Variants in SLC6A11 observed in about 807,000 individuals in gnomAD.
SLC6A11 encodes the protein sodium- and chloride-dependent GABA transporter 3.
In SLC6A11, 25 loss-of-function variants were observed where a neutral mutation model predicts 74.8. The observed-to-expected ratio is 0.33, with a 90% CI of 0.24 to 0.47. The LOEUF is 0.47. Among genes scored for constraint, SLC6A11 ranks in the 20% least tolerant of loss-of-function variants. The pLI is 1.00. For synonymous variants in SLC6A11, 330 were observed against 330.2 expected (o/e 1.00, Z 0.01); for missense variants, 574 against 837.0 (o/e 0.69, Z 3.88).
At chr3:10,887,880 T>C (rs1695063760) in intron 6 of SLC6A11, among the ~76,000 whole-genome samples, 1 of 152,228 alleles carries the variant, frequency 6.6e-6, no homozygotes, top group African/African-American at 2.4e-5. Context: ...GGATAGACTT[T>C]GTGATAGGGA....
chr3:10,863,027 G>A (rs954467529), intron 5 of SLC6A11, among the ~76,000 whole-genome samples: 1 of 152,222 alleles, frequency 6.6e-6, no homozygotes, highest in Non-Finnish European at 1.5e-5. Context: ...AGACATATGG[G>A]GTTATGTCCT....
intron 6 of SLC6A11, among the ~76,000 whole-genome samples, chr3:10,888,127 T>C (rs1028230996): frequency 4.6e-5 from 7 of 152,230 alleles, no homozygotes; most frequent in African/African-American, 1.7e-4. Context: ...TGTGAATGCC[T>C]GCTCTTCATT....
chr3:10,931,029 C>T (rs990541240), intron 10 of SLC6A11, among the ~76,000 whole-genome samples: 28 of 152,224 alleles, frequency 1.8e-4, no homozygotes, highest in African/African-American at 6.8e-4. Context: ...GGAACTTTCC[C>T]TCCTTATACA....
intron 8 of SLC6A11, among the ~76,000 whole-genome samples, chr3:10,923,175 C>T (rs532508260): frequency 6.6e-6 from 1 of 151,196 alleles, no homozygotes; most frequent in Non-Finnish European, 1.5e-5. Flanking sequence ...CTGAGAGGGC[C>T]TAAAAGCAAT....
intron 4 of SLC6A11, among the ~76,000 whole-genome samples, chr3:10,841,899 A>C (rs995020564): frequency 6.6e-6 from 1 of 152,234 alleles, no homozygotes; most frequent in African/African-American, 2.4e-5. Flanking sequence ...GTGTTCCTCC[A>C]GTGACAAGCT....
chr3:10,857,959 A>G (rs1056689328), intron 5 of SLC6A11, among the ~76,000 whole-genome samples: 2 of 152,276 alleles, frequency 1.3e-5, no homozygotes, highest in Non-Finnish European at 2.9e-5. Context: ...TGCTGGCACC[A>G]GCTTGTAAGA....
intron 5 of SLC6A11, among the ~76,000 whole-genome samples, chr3:10,864,240 GAA>G (rs1231398248): frequency 6.6e-6 from 1 of 151,808 alleles, no homozygotes; most frequent in East Asian, 2.0e-4. Flanking sequence ...TCAGTGAGAA[GAA>G]AGAGTGACAC....
intron 7 of SLC6A11, among the ~76,000 whole-genome samples, chr3:10,916,580 C>G (rs1040259834): frequency 6.6e-6 from 1 of 152,182 alleles, no homozygotes; most frequent in Non-Finnish European, 1.5e-5. Flanking sequence ...TAGAAAATCA[C>G]AGAAATGATA....
chr3:10,837,904 C>A (rs372188432), intron 4 of SLC6A11, among the ~76,000 whole-genome samples: 7 of 152,246 alleles, frequency 4.6e-5, no homozygotes, highest in Non-Finnish European at 8.8e-5. Flanking sequence ...CTCCCCAAGG[C>A]AGCGGCCAGC....
At chr3:10,938,229 C>T (rs1183462370) in intron 13 of SLC6A11, 21 bp from the exon 14 acceptor site, 1 of 1,573,836 alleles carries the variant, frequency 6.4e-7, no homozygotes, top group Admixed American at 1.7e-5. Context: ...TCAGATCTTC[C>T]CCTCCTCTCC....
At position 10,847,625 on chromosome 3, in the gene SLC6A11, G is replaced by T. The variant is rs1052638894; in HGVS notation, c.756+3279G>T. ...AGGTCACATAATGAATAAATGTCAG[G>T]CCAGGAGTGAGAGCCTGGTCCCCAG... On this transcript the variant is annotated intron_variant, in intron 5 of 13. Transcript: ENST00000254488. 6.6e-5 allele frequency among the ~76,000 whole-genome samples: 10 copies of T among 152,262 alleles called. No individual in the cohort carries two copies. The East Asian group carries it at 1.2e-3, about 18-fold the overall frequency.
chr3:10,880,786 T>G (rs1426167346), intron 6 of SLC6A11, among the ~76,000 whole-genome samples: 1 of 152,066 alleles, frequency 6.6e-6, no homozygotes, highest in Non-Finnish European at 1.5e-5. Context: ...ACAACAAACA[T>G]GTGTCCCATT....
At chr3:10,934,976 C>T in intron 12 of SLC6A11, 53 bp from the exon 13 acceptor site, 1 of 1,527,482 alleles carries the variant, frequency 6.5e-7, no homozygotes, top group African/African-American at 1.4e-5. Flanking sequence ...CCCCTCATGG[C>T]CTAGCAGGGC....
intron 13 of SLC6A11, among the ~76,000 whole-genome samples, chr3:10,935,623 A>G (rs1695751195): frequency 6.6e-6 from 1 of 151,996 alleles, no homozygotes; most frequent in African/African-American, 2.4e-5. Context: ...CCATCCTCAG[A>G]GCAAACTGGG....
rs566088625 is a variant in SLC6A11, at chr3:10,837,182, G to T, written c.624-7032G>T. Reference sequence around the variant, plus strand: ...GATGGTTAGAATATAGATAACTGGGGAGAATTGGGAAGGATGTTCCCAGCC... The same window carrying T: ...GATGGTTAGAATATAGATAACTGGGTAGAATTGGGAAGGATGTTCCCAGCC... On this transcript the variant is annotated intron_variant, in intron 4 of 13. Coordinates refer to ENST00000254488, the MANE Select transcript of SLC6A11 (RefSeq NM_014229.3). Among the ~76,000 whole-genome samples the T allele has an allele frequency of 9.2e-5, 14 of 152,324 alleles. 1 individual carries two copies. In the South Asian group the frequency reaches 2.9e-3, roughly 32 times the overall value.
chr3:10,866,503 C>T (rs1399190389), intron 5 of SLC6A11, among the ~76,000 whole-genome samples: 1 of 152,228 alleles, frequency 6.6e-6, no homozygotes, highest in African/African-American at 2.4e-5. Flanking sequence ...TCTCTTCCTT[C>T]TCAACCCAGC....
At chr3:10,829,478 G>C (rs1694263496) in intron 4 of SLC6A11, among the ~76,000 whole-genome samples, 1 of 152,212 alleles carries the variant, frequency 6.6e-6, no homozygotes, top group Non-Finnish European at 1.5e-5. Context: ...GGTCAGCACT[G>C]CATGCTGTGT....
chr3:10,829,923 C>T (rs773526666), intron 4 of SLC6A11, among the ~76,000 whole-genome samples: 3 of 152,060 alleles, frequency 2.0e-5, no homozygotes, highest in Non-Finnish European at 2.9e-5. Flanking sequence ...TTTTTTTCTT[C>T]ACTTAATTGT....
chr3:10,938,435 T>G lies in SLC6A11; in HGVS notation c.*33T>G. On this transcript the variant is annotated 3_prime_UTR_variant, in exon 14 of 14. Transcript: ENST00000254488. ...CCAGCCATCTGGGGCTCTTCTTCCTTTCTTCCCCCCGTGTATGTAAATGAA... is the reference window on the plus strand; with the variant it reads ...CCAGCCATCTGGGGCTCTTCTTCCTGTCTTCCCCCCGTGTATGTAAATGAA... 6.4e-7 allele frequency: 1 copy of G among 1,559,634 alleles called. No homozygotes were observed. Among genetic ancestry groups the G allele is most frequent in the Non-Finnish European group, 8.7e-7 (1 of 1,144,900 alleles).
Sources: gnomAD v4.1 joint callset for allele counts (sites outside exome capture counted in the v4.1 genomes callset) on GRCh38, gnomAD v4.1.1 for gene constraint, MANE v1.5 for transcripts, NCBI Gene and HGNC (gene_info 2026-07-23, HGNC 2026-07-21) for gene names.